Variants in TTC28 observed in about 807,000 individuals in gnomAD.
TTC28 encodes tetratricopeptide repeat domain 28, also known as tetratricopeptide repeat protein 28.
TTC28 carries 61 observed loss-of-function variants against 198.0 expected under a neutral mutation model. That is an observed-to-expected ratio of 0.31 (90% CI 0.25 to 0.38). The LOEUF is 0.38. Among genes scored for constraint, TTC28 ranks in the 10% least tolerant of loss-of-function variants. The pLI, the probability that TTC28 is intolerant of heterozygous loss-of-function variation, is 1.00. For missense variants in TTC28, 2,678 were observed against 3,164.0 expected, an observed-to-expected ratio of 0.85 and a Z score of 3.69; for synonymous variants, 1,171 against 1,297.8, an observed-to-expected ratio of 0.90 and a Z score of 2.10.
At chr22:28,543,026 T>A (rs532364561) in intron 2 of TTC28, among the ~76,000 whole-genome samples, 1 of 152,234 alleles carries the variant, frequency 6.6e-6, no homozygotes, top group South Asian at 2.1e-4. Context: ...AAATATTTTT[T>A]AAAAAACTAA....
At chr22:27,991,418 G>A (rs746563722) in intron 19 of TTC28, among the ~76,000 whole-genome samples, 24 of 152,162 alleles carry the variant, frequency 1.6e-4, no homozygotes, top group South Asian at 6.2e-4. Flanking sequence ...ACGAGCAGGC[G>A]TTAATACACT....
At chr22:28,279,197 C>T (rs1169165750) in intron 5 of TTC28, among the ~76,000 whole-genome samples, 1 of 152,142 alleles carries the variant, frequency 6.6e-6, no homozygotes, top group Non-Finnish European at 1.5e-5. Context: ...TATAACATAT[C>T]TATACATCTT....
At chr22:28,534,157 T>C (rs142694243) in intron 2 of TTC28, among the ~76,000 whole-genome samples, 5,455 of 152,136 alleles carry the variant, frequency 0.036, 155 homozygotes, top group African/African-American at 0.069. Flanking sequence ...TTGCAATCTA[T>C]CCATCTGACA....
chr22:28,334,797 T>G (rs138119294), intron 2 of TTC28, among the ~76,000 whole-genome samples: 2,026 of 152,314 alleles, frequency 0.013, 46 homozygotes, highest in African/African-American at 0.047. Flanking sequence ...ATTCTGTAGG[T>G]TGCCTGTTCA....
intron 5 of TTC28, among the ~76,000 whole-genome samples, chr22:28,239,775 C>G (rs1303686342): frequency 6.6e-6 from 1 of 152,148 alleles, no homozygotes; most frequent in Non-Finnish European, 1.5e-5. Flanking sequence ...TGGGCATATT[C>G]TGATGAAGAT....
At chr22:28,568,201 G>A (rs900847785) in intron 2 of TTC28, among the ~76,000 whole-genome samples, 4 of 152,166 alleles carry the variant, frequency 2.6e-5, no homozygotes, top group African/African-American at 7.2e-5. Context: ...GTGTGCATAT[G>A]TGCCAGAAAA....
chr22:28,169,809 T>A (rs1922463751), intron 5 of TTC28, among the ~76,000 whole-genome samples: 1 of 151,472 alleles, frequency 6.6e-6, no homozygotes, highest in Non-Finnish European at 1.5e-5. Flanking sequence ...ACCCTAAAAC[T>A]TAAAGTATAA....
chr22:28,216,955 G>A (rs1336854750), intron 5 of TTC28, among the ~76,000 whole-genome samples: 1 of 152,030 alleles, frequency 6.6e-6, no homozygotes, highest in Non-Finnish European at 1.5e-5. Context: ...GGGCTCAAGC[G>A]ATCGTCCTTC....
At chr22:28,032,244 A>G (rs1197700298) in intron 12 of TTC28, among the ~76,000 whole-genome samples, 29 of 111,036 alleles carry the variant, frequency 2.6e-4, no homozygotes, top group African/African-American at 1.0e-3. Context: ...AAATATATAT[A>G]TATAAAATAT....
chr22:28,073,078 G>T (rs928933403), intron 12 of TTC28, among the ~76,000 whole-genome samples: 1 of 152,172 alleles, frequency 6.6e-6, no homozygotes, highest in Non-Finnish European at 1.5e-5. Flanking sequence ...GATTCTAGAA[G>T]CAAATGGGTA....
At chr22:28,050,909 A>G (rs1409591454) in intron 12 of TTC28, among the ~76,000 whole-genome samples, 3 of 152,178 alleles carry the variant, frequency 2.0e-5, no homozygotes, top group African/African-American at 7.2e-5. Context: ...TGATCTCCTT[A>G]ATGAGGCAAA....
At chr22:28,129,491 A>G (rs933055080) in intron 6 of TTC28, among the ~76,000 whole-genome samples, 2 of 152,240 alleles carry the variant, frequency 1.3e-5, no homozygotes, top group African/African-American at 4.8e-5. Context: ...TCAAGGATTT[A>G]ATCTGGCTCT....
intron 5 of TTC28, among the ~76,000 whole-genome samples, chr22:28,164,679 C>G (rs1354261992): frequency 2.6e-5 from 4 of 152,096 alleles, no homozygotes; most frequent in African/African-American, 9.7e-5. Context: ...TAGATAAAAC[C>G]ACAAAGATGG....
chr22:28,498,611 T>G (rs2048491142), intron 2 of TTC28, among the ~76,000 whole-genome samples: 1 of 152,140 alleles, frequency 6.6e-6, no homozygotes, highest in Non-Finnish European at 1.5e-5. Context: ...AAAATGATAA[T>G]AAAATGATTA....
At chr22:28,090,024 T>C (rs562075220) in intron 12 of TTC28, among the ~76,000 whole-genome samples, 1 of 151,860 alleles carries the variant, frequency 6.6e-6, no homozygotes, top group South Asian at 2.1e-4. Context: ...AAATGACGAG[T>C]TAATGGGTGC....
intron 12 of TTC28, among the ~76,000 whole-genome samples, chr22:28,087,625 C>T (rs1223288260): frequency 6.6e-6 from 1 of 152,168 alleles, no homozygotes; most frequent in Non-Finnish European, 1.5e-5. Context: ...CCTCTCTCAC[C>T]ACTCCTATTC....
At chr22:28,053,631 T>C (rs1194168299) in intron 12 of TTC28, among the ~76,000 whole-genome samples, 1 of 152,220 alleles carries the variant, frequency 6.6e-6, no homozygotes, top group Non-Finnish European at 1.5e-5. Flanking sequence ...CCTGAAACCC[T>C]GAACTGTACC....
intron 13 of TTC28, among the ~76,000 whole-genome samples, chr22:28,027,714 C>T (rs1039906377): frequency 9.9e-5 from 15 of 152,246 alleles, no homozygotes; most frequent in African/African-American, 2.7e-4. Context: ...CACTTCTAGC[C>T]GCTCTGTTCA....
chr22:28,000,066 T>A (rs1394707768), intron 15 of TTC28: 2 of 152,142 alleles, frequency 1.3e-5, no homozygotes, highest in African/African-American at 4.8e-5. Context: ...GGTGGAGGCA[T>A]CTGATACCCA....
Sources: gnomAD v4.1 joint callset for allele counts (sites outside exome capture counted in the v4.1 genomes callset) on GRCh38, gnomAD v4.1.1 for gene constraint, MANE v1.5 for transcripts, NCBI Gene and HGNC (gene_info 2026-07-23, HGNC 2026-07-21) for gene names.